The following TMEM132D variants were observed in gnomAD, a reference collection of about 807,000 sequenced individuals.
The protein encoded by TMEM132D is transmembrane protein 132D.
Under a neutral mutation model 62.3 loss-of-function variants are expected in TMEM132D, and 21 were observed. The ratio of observed to expected loss-of-function variants is 0.34; its 90% CI spans 0.24 to 0.49. TMEM132D has a LOEUF of 0.49. TMEM132D is among the 20% of genes least tolerant of loss of function. TMEM132D has a pLI of 0.99. For synonymous variants in TMEM132D, 621 were observed against 575.6 expected (o/e 1.08, Z -1.13); for missense variants, 1,346 against 1,402.8 (o/e 0.96, Z 0.65).
At chr12:129,096,748 A>G (rs1875128979) in intron 5 of TMEM132D, among the ~76,000 whole-genome samples, 1 of 152,226 alleles carries the variant, frequency 6.6e-6, no homozygotes, top group African/African-American at 2.4e-5. Context: ...TTTTGGAGTC[A>G]TCTATACCAG....
chr12:129,440,201 G>T (rs1366254895), intron 3 of TMEM132D, among the ~76,000 whole-genome samples: 3 of 152,182 alleles, frequency 2.0e-5, no homozygotes, highest in Non-Finnish European at 4.4e-5. Context: ...AGAAGTAAAA[G>T]ATTTTGGAGT....
Position 129,121,205 on chromosome 12 carries a change from C to A in TMEM132D, c.1444-36503G>T, listed in dbSNP as rs556212526. 2.6e-5 allele frequency among the ~76,000 whole-genome samples: 4 copies of A among 152,264 alleles called. No homozygotes were observed. The East Asian group carries it at 7.7e-4, about 29-fold the overall frequency. On this transcript the variant is annotated intron_variant, in intron 5 of 8. Transcript: ENST00000422113. ...CCACCTCCTGAGTTCAAGCGATTCT[C>A]CTGCCTCAGCCTCCCAAGTAGCTGG... is the stretch of plus-strand genomic sequence containing the variant.
intron 1 of TMEM132D, among the ~76,000 whole-genome samples, chr12:129,800,650 C>T (rs773100020): frequency 2.0e-5 from 3 of 152,142 alleles, no homozygotes; most frequent in Admixed American, 6.5e-5. Context: ...TGCTCCCAAA[C>T]GTCACTGCAG....
At chr12:129,652,607 C>T (rs995294970) in intron 2 of TMEM132D, among the ~76,000 whole-genome samples, 16 of 152,176 alleles carry the variant, frequency 1.1e-4, no homozygotes, top group Non-Finnish European at 2.2e-4. Flanking sequence ...GAAGGGGCCA[C>T]AAGCCAGGGA....
intron 2 of TMEM132D, among the ~76,000 whole-genome samples, chr12:129,546,248 CAT>C (rs1876733586): frequency 6.6e-6 from 1 of 152,148 alleles, no homozygotes; most frequent in African/African-American, 2.4e-5. Context: ...TAACCCTTGT[CAT>C]GTACCAAAAA....
chr12:129,308,027 G>A (rs946314601), intron 4 of TMEM132D, among the ~76,000 whole-genome samples: 2 of 151,860 alleles, frequency 1.3e-5, no homozygotes, highest in African/African-American at 2.4e-5. Context: ...TCTCTCCTTC[G>A]AGCTTCCAAG....
intron 5 of TMEM132D, among the ~76,000 whole-genome samples, chr12:129,149,578 G>A (rs1247327689): frequency 3.9e-5 from 6 of 152,198 alleles, no homozygotes; most frequent in Non-Finnish European, 8.8e-5. Flanking sequence ...CAGTGTGTGC[G>A]GCACCTCTCA....
chr12:129,362,659 G>A (rs996476056), intron 3 of TMEM132D, among the ~76,000 whole-genome samples: 7 of 151,586 alleles, frequency 4.6e-5, no homozygotes, highest in African/African-American at 1.5e-4. Flanking sequence ...TCTTGCTAGG[G>A]CTGCAGACTG....
At chr12:129,425,791 C>A (rs1872480140) in intron 3 of TMEM132D, among the ~76,000 whole-genome samples, 2 of 152,172 alleles carry the variant, frequency 1.3e-5, no homozygotes, top group South Asian at 2.1e-4. Flanking sequence ...CAATAAAGAT[C>A]CATGTGAAGT....
chr12:129,268,948 T>C (rs1880774041), intron 4 of TMEM132D, among the ~76,000 whole-genome samples: 1 of 139,904 alleles, frequency 7.1e-6, no homozygotes, highest in South Asian at 2.2e-4. Flanking sequence ...ATGTTCTCAC[T>C]CATAGGTGGG....
chr12:129,374,253 CT>C (rs1310057184), intron 3 of TMEM132D, among the ~76,000 whole-genome samples: 2 of 111,428 alleles, frequency 1.8e-5, no homozygotes, highest in African/African-American at 8.0e-5. Context: ...TGCCTTCTCA[CT>C]GTAACCTCAC....
chr12:129,184,390 G>A (rs1878161132), intron 5 of TMEM132D, among the ~76,000 whole-genome samples: 1 of 152,188 alleles, frequency 6.6e-6, no homozygotes, highest in African/African-American at 2.4e-5. Context: ...TCATCCACAG[G>A]CTGTCCTTTG....
At chr12:129,274,460 C>T (rs1274577872) in intron 4 of TMEM132D, among the ~76,000 whole-genome samples, 1 of 152,194 alleles carries the variant, frequency 6.6e-6, no homozygotes, top group African/African-American at 2.4e-5. Flanking sequence ...GTCTGGTGCC[C>T]ATATGGTCTC....
chr12:129,843,079 CA>C (rs1225139315), intron 1 of TMEM132D, among the ~76,000 whole-genome samples: 2 of 152,058 alleles, frequency 1.3e-5, no homozygotes, highest in African/African-American at 4.8e-5. Flanking sequence ...AAGTCTCTAA[CA>C]ATGTTACGAA....
intron 5 of TMEM132D, among the ~76,000 whole-genome samples, chr12:129,132,229 C>T (rs1179582138): frequency 6.6e-6 from 1 of 152,120 alleles, no homozygotes; most frequent in Non-Finnish European, 1.5e-5. Flanking sequence ...TATCTATCTA[C>T]CAACCTACCT....
intron 2 of TMEM132D, among the ~76,000 whole-genome samples, chr12:129,673,392 C>T (rs1375721210): frequency 6.6e-6 from 1 of 152,148 alleles, no homozygotes; most frequent in African/African-American, 2.4e-5. Context: ...ACGTACAGAT[C>T]CGTTTTTCCA....
chr12:129,369,893 T>A lies in TMEM132D; in HGVS notation c.1116-32076A>T, dbSNP rs555990932. Among the ~76,000 whole-genome samples, 327 of 152,284 alleles carry A rather than the reference T, an allele frequency of 2.1e-3. 2 individuals are homozygous for A. Among genetic ancestry groups the A allele is most frequent in the African/African-American group, 7.6e-3 (317 of 41,562 alleles). On this transcript the variant is annotated intron_variant, in intron 3 of 8. Transcript: ENST00000422113. ...CTGTGCCTTGTCACACATATAAGGA[T>A]ATGGTACCGGGGAAGGGATCTCAAA...
chr12:129,681,418 A>C (rs765716737), intron 2 of TMEM132D: 6 of 152,262 alleles, frequency 3.9e-5, no homozygotes, highest in Non-Finnish European at 7.3e-5. Context: ...TCTGGTTTAA[A>C]GGATCAAAGA....
intron 7 of TMEM132D, 152 bp downstream of exon 7, chr12:129,081,607 T>C (rs1469783497): frequency 6.7e-6 from 8 of 1,200,036 alleles, no homozygotes; most frequent in African/African-American, 1.5e-5. Flanking sequence ...CAAAATCGCT[T>C]GTATTGCTTA....
Sources: allele counts gnomAD v4.1 joint callset (sites outside exome capture counted in the v4.1 genomes callset), GRCh38; gene constraint gnomAD v4.1.1; transcripts MANE v1.5; gene names NCBI Gene and HGNC (gene_info 2026-07-23, HGNC 2026-07-21).